The following MTNAP1 variants were observed in gnomAD, a reference collection of about 807,000 sequenced individuals.
MTNAP1 encodes mitochondrial nucleoid-associated protein 1.
At chr17:73,242,320 T>A in the MTNAP1 span, 2 of 1,603,924 alleles carry the variant, frequency 1.2e-6, no homozygotes, top group Non-Finnish European at 1.7e-6. Flanking sequence ...CCAACTTCTC[T>A]CTAATGAGGC....
chr17:73,236,788 C>G, the MTNAP1 span: 2 of 1,614,162 alleles, frequency 1.2e-6, no homozygotes, highest in Non-Finnish European at 1.7e-6. Flanking sequence ...ATGTTCAGCC[C>G]AGCGTCACAC....
At chr17:73,240,135 A>G in the MTNAP1 span, among the ~76,000 whole-genome samples, 8 of 152,240 alleles carry the variant, frequency 5.3e-5, no homozygotes, top group Admixed American at 2.6e-4. Context: ...TAAATTACCA[A>G]GGTTATGAGA....
the MTNAP1 span, chr17:73,242,869 C>T: frequency 6.3e-7 from 1 of 1,589,682 alleles, no homozygotes; most frequent in Non-Finnish European, 8.6e-7. Context: ...GTTGCTGTAA[C>T]AACAAGCCGT....
the MTNAP1 span, chr17:73,232,737 G>C: frequency 8.3e-5 from 14 of 168,102 alleles, no homozygotes; most frequent in Non-Finnish European, 1.5e-4. Flanking sequence ...GTGCTCTGTG[G>C]GGAGCTTGCA....
chr17:73,248,862 AATC>A, the MTNAP1 span: 121 of 281,404 alleles, frequency 4.3e-4, no homozygotes, highest in African/African-American at 2.3e-3. Flanking sequence ...TTAAAAATAA[AATC>A]ATTTTATTAT....
the MTNAP1 span, chr17:73,236,626 A>G: frequency 1.2e-6 from 2 of 1,614,190 alleles, no homozygotes; most frequent in Non-Finnish European, 8.5e-7. Flanking sequence ...TCTAGCTACA[A>G]CATTTCTTCA....
chr17:73,237,328 T>G, the MTNAP1 span, among the ~76,000 whole-genome samples: 1 of 152,186 alleles, frequency 6.6e-6, no homozygotes, highest in African/African-American at 2.4e-5. Context: ...CCCAGCTATT[T>G]GAGAGGCTAA....
the MTNAP1 span, among the ~76,000 whole-genome samples, chr17:73,239,520 C>CTGT: frequency 7.1e-6 from 1 of 141,518 alleles, no homozygotes. Context: ...CTTCAGACAT[C>CTGT]TTTTTTTTTT....
At chr17:73,236,894 G>T in the MTNAP1 span, 2 of 1,614,044 alleles carry the variant, frequency 1.2e-6, no homozygotes, top group Non-Finnish European at 1.7e-6. Context: ...CTCTATCCTG[G>T]TTACCTTGGA....
the MTNAP1 span, chr17:73,236,443 G>A: frequency 1.2e-6 from 2 of 1,614,166 alleles, no homozygotes; most frequent in Non-Finnish European, 1.7e-6. Flanking sequence ...GTCTGCAACA[G>A]AAAAGCAGGA....
the MTNAP1 span, chr17:73,236,150 T>G: frequency 5.0e-6 from 8 of 1,614,060 alleles, no homozygotes; most frequent in East Asian, 2.2e-5. Context: ...TTACTAGATG[T>G]GCCTACTGGT....
chr17:73,243,086 T>TGTTTGTTTTTTG, the MTNAP1 span: 1 of 987,740 alleles, frequency 1.0e-6, no homozygotes, highest in African/African-American at 1.7e-5. Flanking sequence ...AATTTTTTTT[T>TGTTTGTTTTTTG]TTTTTTTTTT....
the MTNAP1 span, chr17:73,237,028 C>A: frequency 1.3e-5 from 19 of 1,503,122 alleles, no homozygotes; most frequent in Non-Finnish European, 8.0e-6. Context: ...GCCATCTGTC[C>A]CATCCAAAAT....
chr17:73,243,095 T>TTTTG, the MTNAP1 span: 398,341 of 928,970 alleles, frequency 0.43, 59,909 homozygotes, highest in East Asian at 0.49. Context: ...TTTTTTTTTT[T>TTTTG]TTTTTTACAG....
At chr17:73,241,939 A>T in the MTNAP1 span, among the ~76,000 whole-genome samples, 1 of 152,158 alleles carries the variant, frequency 6.6e-6, no homozygotes. Context: ...AAACAAAAAG[A>T]TGATGTAAGA....
the MTNAP1 span, chr17:73,247,256 C>T: frequency 3.1e-6 from 5 of 1,614,006 alleles, no homozygotes; most frequent in African/African-American, 5.3e-5. Flanking sequence ...TTGTGCCGAC[C>T]CCTGCCCTGG....
chr17:73,248,576 C>T, the MTNAP1 span: 13 of 1,546,960 alleles, frequency 8.4e-6, no homozygotes, highest in Middle Eastern at 1.7e-4. Context: ...AATCCATACA[C>T]GTAATCCATA....
At chr17:73,241,468 C>G in the MTNAP1 span, among the ~76,000 whole-genome samples, 71,834 of 152,018 alleles carry the variant, frequency 0.47, 17,451 homozygotes, top group East Asian at 0.61. Flanking sequence ...TGCATAAGCC[C>G]TCTTTTCTGG....
At chr17:73,241,031 G>A in the MTNAP1 span, among the ~76,000 whole-genome samples, 11 of 152,108 alleles carry the variant, frequency 7.2e-5, no homozygotes, top group Non-Finnish European at 1.5e-4. Flanking sequence ...ACCTGTTGTC[G>A]GTGTTTAATT....
Sources: allele counts gnomAD v4.1 joint callset (sites outside exome capture counted in the v4.1 genomes callset), GRCh38; gene constraint gnomAD v4.1.1; transcripts MANE v1.5; gene names NCBI Gene and HGNC (gene_info 2026-07-23, HGNC 2026-07-21).